Variants in FSTL4 observed in about 807,000 individuals in gnomAD.
FSTL4 encodes the protein follistatin-related protein 4.
In FSTL4, 28 loss-of-function variants were observed where a neutral mutation model predicts 78.2. That is an observed-to-expected ratio of 0.36 (90% confidence interval 0.27 to 0.49). The LOEUF (loss-of-function observed/expected upper bound fraction) is 0.49. Among genes scored for constraint, FSTL4 ranks in the 20% least tolerant of loss-of-function variants. The probability of loss-of-function intolerance (pLI) is 0.98; values close to 1 mark genes in which losing one functional copy is unlikely to be tolerated. For missense variants in FSTL4, 922 were observed against 1,084.9 expected (o/e 0.85, Z 2.11); for synonymous variants, 422 against 440.5 (o/e 0.96, Z 0.53).
chr5:133,506,395 T>C (rs555201418), intron 3 of FSTL4, among the ~76,000 whole-genome samples: 1 of 151,344 alleles, frequency 6.6e-6, no homozygotes, highest in South Asian at 2.1e-4. Context: ...CACAGATGAG[T>C]TGATTCTATC....
rs565719560 is a variant in FSTL4, at chr5:133,338,785, G to C, written c.410-22133C>G. On this transcript the variant is annotated intron_variant, in intron 4 of 15. Coordinates refer to ENST00000265342, the MANE Select transcript of FSTL4 (RefSeq NM_015082.2). This position sits in a 1 kb window ranked among gnomAD's most constrained non-coding sequence, Gnocchi z 4.0. Reference sequence around the variant, plus strand: ...ACCCAAGCCCCCTGCTTCCCAAATCGCACACCTGGCACTACCTCACCATCT... The same window carrying C: ...ACCCAAGCCCCCTGCTTCCCAAATCCCACACCTGGCACTACCTCACCATCT... Among the ~76,000 whole-genome samples the C allele has an allele frequency of 6.6e-6, 1 of 151,668 alleles. No homozygotes were observed. Among genetic ancestry groups the C allele is most frequent in the Non-Finnish European group, 1.5e-5 (1 of 67,922 alleles).
chr5:133,233,681 G>T, intron 7 of FSTL4, 144 bp from the exon 8 acceptor site: 1 of 949,240 alleles, frequency 1.1e-6, no homozygotes, highest in Non-Finnish European at 1.6e-6. Flanking sequence ...GCTGTCTGCA[G>T]GGGTGAGCCG....
At chr5:133,592,462 C>G (rs1477376185) in intron 2 of FSTL4, among the ~76,000 whole-genome samples, 2 of 152,168 alleles carry the variant, frequency 1.3e-5, no homozygotes, top group East Asian at 3.8e-4. Context: ...GATAACGAAT[C>G]ACAGATAATT....
At chr5:133,775,548 G>A in the FSTL4 span, among the ~76,000 whole-genome samples, 1 of 152,210 alleles carries the variant, frequency 6.6e-6, no homozygotes, top group Admixed American at 6.5e-5. Flanking sequence ...CGATTACAGT[G>A]TTATGTGATT....
At chr5:133,777,723 A>G in the FSTL4 span, among the ~76,000 whole-genome samples, 1 of 152,228 alleles carries the variant, frequency 6.6e-6, no homozygotes, top group Non-Finnish European at 1.5e-5. Context: ...CTTTTCACAG[A>G]TACTGTATAC....
At chr5:133,669,321 T>C in the FSTL4 span, among the ~76,000 whole-genome samples, 2 of 152,038 alleles carry the variant, frequency 1.3e-5, no homozygotes, top group Non-Finnish European at 2.9e-5. Flanking sequence ...GAGCATGAGG[T>C]GGACAGTCAG....
At chr5:133,572,564 GA>G (rs2112949405) in intron 2 of FSTL4, among the ~76,000 whole-genome samples, 1 of 152,038 alleles carries the variant, frequency 6.6e-6, no homozygotes, top group Admixed American at 6.5e-5. Flanking sequence ...CAAAAACGCA[GA>G]AAATTATTCA....
In FSTL4 at chr5:133,611,835, G is replaced by A. The variant is rs1045643182; in HGVS notation, c.-11+490C>T. 5.9e-5 allele frequency among the ~76,000 whole-genome samples: 9 copies of A among 152,164 alleles called. No homozygotes were observed. The highest frequency in any genetic ancestry group is 1.9e-4 in the African/African-American group (8 of 41,464). Reference sequence around the variant, plus strand: ...CGCAAAGCCGCGGGGAGGAGGTGCTGAGAATGCCTGCCCGGCGCCCCAACC... The same window carrying A: ...CGCAAAGCCGCGGGGAGGAGGTGCTAAGAATGCCTGCCCGGCGCCCCAACC... On this transcript the variant is annotated intron_variant, in intron 1 of 15. Coordinates refer to ENST00000265342, the MANE Select transcript of FSTL4 (RefSeq NM_015082.2). The surrounding 1 kb of genome is among the most constrained non-coding windows in gnomAD (Gnocchi z 4.9).
chr5:133,453,229 C>T (rs2127012260), intron 3 of FSTL4, among the ~76,000 whole-genome samples: 1 of 152,290 alleles, frequency 6.6e-6, no homozygotes, highest in East Asian at 1.9e-4. Context: ...TCCTGAAGGG[C>T]CCCATTCATG....
Position 133,249,528 on chromosome 5 carries a change from G to A in FSTL4, c.776C>T (p.Thr259Ile). 1 of 1,613,746 alleles carries A rather than the reference G, an allele frequency of 6.2e-7. No individual in the cohort carries two copies. The highest frequency in any genetic ancestry group is 8.5e-7 in the Non-Finnish European group (1 of 1,179,788). ...CACTGTGCTCAGCCCCACGGTCACT[G>A]TGGTCACACTGACCCTGTCCTCGGG... is the stretch of plus-strand genomic sequence containing the variant. Reference protein sequence around the residue: ...LAPEDRVSVTTVTVGLSTVLT... With the variant: ...LAPEDRVSVTIVTVGLSTVLT... Residue 259 changes from threonine to isoleucine, a missense_variant, in exon 7 of 16, where the codon ACA becomes ATA. Thr to Ile is a moderately conservative substitution (Grantham distance 89). Coordinates refer to ENST00000265342, the MANE Select transcript of FSTL4 (RefSeq NM_015082.2).
intron 6 of FSTL4, among the ~76,000 whole-genome samples, chr5:133,303,384 T>A (rs931852953): frequency 1.3e-5 from 2 of 152,236 alleles, no homozygotes; most frequent in African/African-American, 2.4e-5. Context: ...ACTCCTCATC[T>A]GCTGCTTCAG....
the FSTL4 span, among the ~76,000 whole-genome samples, chr5:133,699,228 G>A: frequency 1.3e-5 from 2 of 152,078 alleles, no homozygotes. Flanking sequence ...TCCACACAGG[G>A]CCTGAGGAAT....
intron 3 of FSTL4, among the ~76,000 whole-genome samples, chr5:133,513,900 C>T (rs1231795872): frequency 1.3e-5 from 2 of 152,080 alleles, no homozygotes; most frequent in Admixed American, 6.6e-5. Flanking sequence ...CTGTCGGGGC[C>T]GGGCGCGGTG....
At chr5:133,495,240 G>A (rs556393972) in intron 3 of FSTL4, among the ~76,000 whole-genome samples, 5 of 152,282 alleles carry the variant, frequency 3.3e-5, no homozygotes, top group African/African-American at 7.2e-5. Flanking sequence ...AGGCCTCTGC[G>A]GGGAAGGGCT....
At chr5:133,769,952 G>A in the FSTL4 span, among the ~76,000 whole-genome samples, 1 of 152,100 alleles carries the variant, frequency 6.6e-6, no homozygotes, top group Admixed American at 6.5e-5. Context: ...GAGAACATGT[G>A]GCATTTGATT....
At chr5:133,294,293 A>C (rs1377857599) in intron 6 of FSTL4, among the ~76,000 whole-genome samples, 3 of 152,172 alleles carry the variant, frequency 2.0e-5, no homozygotes, top group African/African-American at 7.2e-5. Context: ...TGTGGTGTCC[A>C]GGGTGTTAAT....
rs1190737213 is a variant in FSTL4 at position 133,236,487 on chromosome 5, C to A, written c.895-2950G>T. ...AAGCCCAGTTCCCCAGGGGCTGAGA[C>A]ACTAGGCTCTCCTTGCAGATTCATT... On this transcript the variant is annotated intron_variant, in intron 7 of 15. Coordinates refer to ENST00000265342, the MANE Select transcript of FSTL4 (RefSeq NM_015082.2). The surrounding 1 kb of genome is among the most constrained non-coding windows in gnomAD (Gnocchi z 5.0). 2.6e-5 allele frequency among the ~76,000 whole-genome samples: 4 copies of A among 152,174 alleles called. No homozygotes were observed. The highest frequency in any genetic ancestry group is 5.9e-5 in the Non-Finnish European group (4 of 68,026).
At chr5:133,564,909 C>T (rs919659700) in intron 3 of FSTL4, among the ~76,000 whole-genome samples, 1 of 152,230 alleles carries the variant, frequency 6.6e-6, no homozygotes, top group African/African-American at 2.4e-5. Context: ...CACTTCTCAA[C>T]ACACATACTT....
the FSTL4 span, among the ~76,000 whole-genome samples, chr5:133,638,830 T>C: frequency 6.6e-6 from 1 of 151,982 alleles, no homozygotes; most frequent in African/African-American, 2.4e-5. Flanking sequence ...TTTTTTTCAC[T>C]TAAAAGTATA....
Sources: gnomAD v4.1 joint callset for allele counts (sites outside exome capture counted in the v4.1 genomes callset) on GRCh38, gnomAD v4.1.1 for gene constraint, Gnocchi (gnomAD v3.1) non-coding constraint, MANE v1.5 for transcripts, NCBI Gene and HGNC (gene_info 2026-07-23, HGNC 2026-07-21) for gene names.